Variants in TBC1D1 observed in about 807,000 individuals in gnomAD.
TBC1D1 encodes TBC1 (tre-2/USP6, BUB2, cdc16) domain family, member 1.
TBC1D1 carries 89 observed loss-of-function variants against 125.6 expected under a neutral mutation model. The observed-to-expected ratio is 0.71, with a 90% CI of 0.60 to 0.85. The LOEUF (loss-of-function observed/expected upper bound fraction) is 0.85, where lower values mean the gene tolerates loss of function less well. Ranked by LOEUF, TBC1D1 falls within the 40% of genes least tolerant of loss-of-function variation. The probability of loss-of-function intolerance (pLI) is 0.00; values close to 1 mark genes in which losing one functional copy is unlikely to be tolerated. For missense variants in TBC1D1, 1,377 were observed against 1,469.2 expected (o/e 0.94, Z 1.03); for synonymous variants, 565 against 564.1 (o/e 1.00, Z -0.02).
chr4:38,115,649 G>T, intron 15 of TBC1D1, 61 bp from the exon 18 acceptor site: 1 of 1,540,424 alleles, frequency 6.5e-7, no homozygotes, highest in Admixed American at 2.0e-5. Context: ...TTGGATTTCT[G>T]GTTCAATAGG....
At chr4:38,119,868 G>GGCTGAGGGGTCATC (rs1157759857) in intron 17 of TBC1D1, 2 of 767,530 alleles carry the variant, frequency 2.6e-6, no homozygotes, top group East Asian at 2.6e-4. Flanking sequence ...CAGACTGGAG[G>GGCTGAGGGGTCATC]GCTGAGGGGT....
chr4:38,045,748 A>G, intron 9 of TBC1D1, 69 bp from the exon 10 acceptor site: 1 of 1,152,018 alleles, frequency 8.7e-7, no homozygotes, highest in Non-Finnish European at 1.3e-6. Flanking sequence ...AAATGGACCA[A>G]TCTGCTTCTA....
intron 2 of TBC1D1, among the ~76,000 whole-genome samples, chr4:37,919,347 T>G (rs28740983): frequency 0.011 from 1,701 of 151,318 alleles, 35 homozygotes; most frequent in African/African-American, 0.039. Flanking sequence ...TTTGTTTTTT[T>G]TTTTTTTTGG....
chr4:38,124,511 T>C (rs983078935), intron 17 of TBC1D1, among the ~76,000 whole-genome samples: 1 of 152,246 alleles, frequency 6.6e-6, no homozygotes, highest in Non-Finnish European at 1.5e-5. Context: ...TTGTACAGTT[T>C]TTAAAGATCT....
At chr4:37,952,081 A>ACAGTGAACCAC in intron 2 of TBC1D1, 1 of 717,452 alleles carries the variant, frequency 1.4e-6, no homozygotes, top group East Asian at 2.7e-5. Flanking sequence ...CTGGAAAGCA[A>ACAGTGAACCAC]CAGTGAACCA....
chr4:37,922,507 C>T (rs1721220357), intron 2 of TBC1D1, among the ~76,000 whole-genome samples: 1 of 152,188 alleles, frequency 6.6e-6, no homozygotes. Flanking sequence ...TTAAGCCGTC[C>T]TGAATCATGT....
At chr4:38,038,298 C>T (rs1049080652) in intron 8 of TBC1D1, among the ~76,000 whole-genome samples, 5 of 151,890 alleles carry the variant, frequency 3.3e-5, no homozygotes, top group Admixed American at 3.3e-4. Flanking sequence ...TTTTTTGTGA[C>T]ATTTTATTAT....
chr4:37,895,597 G>T (rs1402907705), intron 1 of TBC1D1, among the ~76,000 whole-genome samples: 1 of 152,128 alleles, frequency 6.6e-6, no homozygotes, highest in African/African-American at 2.4e-5. Context: ...CCAGCTTCTG[G>T]GGAGGCTGAG....
At chr4:38,118,426 AT>A in intron 17 of TBC1D1, 1 of 522,804 alleles carries the variant, frequency 1.9e-6, no homozygotes, top group East Asian at 3.3e-5. Flanking sequence ...TGTGGATCCG[AT>A]CCGTGTAGAT....
At chr4:38,051,835 C>T in intron 11 of TBC1D1, 64 bp from the exon 12 acceptor site, 5 of 1,498,454 alleles carry the variant, frequency 3.3e-6, no homozygotes, top group Non-Finnish European at 4.5e-6. Context: ...CCTGTTTGCT[C>T]CGTGTCCCTG....
rs147368954 is a variant in TBC1D1 at position 38,048,191 on chromosome 4, A to G, written c.1630-1427A>G. Among the ~76,000 whole-genome samples, 1,345 of 152,298 alleles carry G rather than the reference A, an allele frequency of 8.8e-3. 13 individuals are homozygous for G. Among genetic ancestry groups the G allele is most frequent in the Middle Eastern group, 0.034 (10 of 294 alleles). On this transcript the variant is annotated intron_variant, in intron 10 of 19. Coordinates refer to ENST00000261439, the MANE Select transcript of TBC1D1 (RefSeq NM_015173.4). The stretch of plus-strand genomic sequence containing the variant: ...ATTTTATGTAATTGGATCCCTTCTA[A>G]AAAATTGATCACCTAGGAGTTGCAA...
intron 1 of TBC1D1, among the ~76,000 whole-genome samples, chr4:37,894,231 C>A (rs1261751392): frequency 6.6e-6 from 1 of 151,570 alleles, no homozygotes; most frequent in Non-Finnish European, 1.5e-5. Context: ...TTGTGATCCA[C>A]CCGCCTTGGC....
intron 2 of TBC1D1, among the ~76,000 whole-genome samples, chr4:37,945,112 T>C (rs572288966): frequency 2.6e-5 from 4 of 152,176 alleles, no homozygotes; most frequent in African/African-American, 9.6e-5. Flanking sequence ...ATAATGTACT[T>C]ATAGAAAGTT....
At chr4:38,093,527 C>CTT (rs71658755) in intron 13 of TBC1D1, among the ~76,000 whole-genome samples, 4 of 144,426 alleles carry the variant, frequency 2.8e-5, no homozygotes, top group Non-Finnish European at 3.0e-5. Flanking sequence ...TTTCCCCCCC[C>CTT]TTTTTTTTTT....
chr4:37,952,281 T>C (rs4832972), intron 2 of TBC1D1: 383,175 of 554,506 alleles, frequency 0.69, 134,498 homozygotes, highest in East Asian at 0.96. Context: ...CTTTTCAGCA[T>C]GTGACTTAAA....
In TBC1D1 at chr4:37,995,783, C is replaced by T. The variant is rs1186179699; in HGVS notation, c.418-18726C>T. The stretch of plus-strand genomic sequence containing the variant: ...GCATTCACCCTCTCCAGCACCTTCT[C>T]CTGGATTGCTACCCCAAATCATTTG... On this transcript the variant is annotated intron_variant, in intron 2 of 19. Transcript: ENST00000261439. This position sits in a 1 kb window ranked among gnomAD's most constrained non-coding sequence, Gnocchi z 4.3. 1.9e-6 allele frequency: 1 copy of T among 538,052 alleles called. No homozygotes were observed. Among genetic ancestry groups the T allele is most frequent in the Non-Finnish European group, 3.7e-6 (1 of 267,352 alleles). The allele number at this position is 538,052 out of a possible 1,614,324, so 33.3% of individuals were successfully genotyped here.
intron 2 of TBC1D1, among the ~76,000 whole-genome samples, chr4:37,955,789 C>T (rs1332092967): frequency 6.6e-6 from 1 of 152,112 alleles, no homozygotes; most frequent in Non-Finnish European, 1.5e-5. Context: ...TTTAAGAGAG[C>T]TTTACCTCAA....
chr4:37,908,382 T>G (rs1258685481), intron 2 of TBC1D1, among the ~76,000 whole-genome samples: 2 of 152,106 alleles, frequency 1.3e-5, no homozygotes, highest in African/African-American at 4.8e-5. Context: ...ATTTTTGTAT[T>G]TTTAGTGGAG....
chr4:38,032,044 C>T (rs185280335), intron 7 of TBC1D1, among the ~76,000 whole-genome samples: 10 of 152,296 alleles, frequency 6.6e-5, no homozygotes, highest in Non-Finnish European at 1.3e-4. Flanking sequence ...TCTGGCCAGG[C>T]GCGGTGGCTC....
Sources: gnomAD v4.1 joint callset for allele counts (sites outside exome capture counted in the v4.1 genomes callset) on GRCh38, gnomAD v4.1.1 for gene constraint, Gnocchi (gnomAD v3.1) non-coding constraint, MANE v1.5 for transcripts, NCBI Gene and HGNC (gene_info 2026-07-23, HGNC 2026-07-21) for gene names.